The following DAB1 variants were observed in gnomAD, a reference collection of about 807,000 sequenced individuals.
DAB1 encodes disabled homolog 1.
DAB1 carries 15 observed loss-of-function variants against 64.6 expected under a neutral mutation model. That is an observed-to-expected ratio of 0.23 (90% CI 0.16 to 0.36). DAB1 has a LOEUF of 0.36. DAB1 is among the 10% of genes least tolerant of loss of function. The pLI, the probability that DAB1 is intolerant of heterozygous loss-of-function variation, is 1.00. For missense variants in DAB1, 596 were observed against 706.7 expected, an observed-to-expected ratio of 0.84 and a Z score of 1.78; for synonymous variants, 235 against 251.9, an observed-to-expected ratio of 0.93 and a Z score of 0.64.
At chr1:57,121,139 AAGGAGG>A (rs759548105) in intron 4 of DAB1, among the ~76,000 whole-genome samples, 11 of 78,516 alleles carry the variant, frequency 1.4e-4, no homozygotes, top group Non-Finnish European at 1.7e-4. Flanking sequence ...AGAGAAGAAG[AAGGAGG>A]AGGAGGAGGA....
intron 1 of DAB1, among the ~76,000 whole-genome samples, chr1:57,388,295 T>C (rs905383649): frequency 1.3e-5 from 2 of 152,180 alleles, no homozygotes; most frequent in Non-Finnish European, 2.9e-5. Context: ...TGACCAACCC[T>C]GCAGCCCCTA....
chr1:58,268,550 G>C (rs939649531), intron 4 of DAB1, among the ~76,000 whole-genome samples: 1 of 152,114 alleles, frequency 6.6e-6, no homozygotes, highest in Non-Finnish European at 1.5e-5. Context: ...AGAGGACATA[G>C]GGGTGAATGA....
At chr1:57,261,130 T>A (rs1670149471) in intron 2 of DAB1, among the ~76,000 whole-genome samples, 1 of 152,012 alleles carries the variant, frequency 6.6e-6, no homozygotes, top group Non-Finnish European at 1.5e-5. Flanking sequence ...CCCAATTTGT[T>A]CTTACACACT....
chr1:58,297,162 G>C (rs1662013585), intron 4 of DAB1, among the ~76,000 whole-genome samples: 2 of 152,140 alleles, frequency 1.3e-5, no homozygotes, highest in Non-Finnish European at 2.9e-5. Flanking sequence ...TAAATGGTAA[G>C]CATTCAAGCT....
intron 7 of DAB1, 51 bp from the exon 8 acceptor site, chr1:57,069,476 G>A (rs759403691): frequency 3.3e-5 from 48 of 1,462,702 alleles, no homozygotes; most frequent in Non-Finnish European, 4.3e-5. Flanking sequence ...AAAGAAGAAA[G>A]GTAAAACAAG....
chr1:57,126,557 A>T (rs1314396227), intron 4 of DAB1, among the ~76,000 whole-genome samples: 1 of 152,200 alleles, frequency 6.6e-6, no homozygotes, highest in Non-Finnish European at 1.5e-5. Context: ...TCCAAAGGAG[A>T]ACACTGAGCT....
chr1:57,672,335 TATC>T (rs1646519203), intron 6 of DAB1, among the ~76,000 whole-genome samples: 1 of 152,222 alleles, frequency 6.6e-6, no homozygotes, highest in African/African-American at 2.4e-5. Flanking sequence ...ATGTAGTTAA[TATC>T]ATAAGTGTTC....
intron 1 of DAB1, among the ~76,000 whole-genome samples, chr1:57,339,631 T>A (rs966630112): frequency 6.6e-6 from 1 of 152,240 alleles, no homozygotes; most frequent in Non-Finnish European, 1.5e-5. Flanking sequence ...CTGGTATGTT[T>A]AAGGTCCTAA....
At chr1:58,237,585 G>A (rs940659563) in intron 4 of DAB1, among the ~76,000 whole-genome samples, 3 of 151,904 alleles carry the variant, frequency 2.0e-5, no homozygotes, top group African/African-American at 7.3e-5. Context: ...GTATGTAAAG[G>A]AGGCAGAATT....
intron 14 of DAB1, among the ~76,000 whole-genome samples, chr1:57,009,185 G>A (rs1022756555): frequency 7.9e-5 from 12 of 152,142 alleles, no homozygotes; most frequent in African/African-American, 2.9e-4. Flanking sequence ...ATTTTTCAAG[G>A]CAAGGTTGAG....
rs563325742 is a variant in DAB1 at position 57,913,091 on chromosome 1, T to G, written n.388-28929A>C. Among the ~76,000 whole-genome samples the G allele has an allele frequency of 1.9e-3, 287 of 152,320 alleles. 2 individuals are homozygous for G. Among genetic ancestry groups the G allele is most frequent in the African/African-American group, 6.7e-3 (277 of 41,568 alleles). On this transcript the variant is annotated intron_variant and non_coding_transcript_variant, in intron 5 of 20. Transcript: ENST00000485760. ...CTTTCTTCACAGAATTGGAAAAAAC[T>G]ACTTTAAAGTTCATATGGAACCAAA...
intron 1 of DAB1, among the ~76,000 whole-genome samples, chr1:57,303,832 G>T (rs1329171620): frequency 6.6e-6 from 1 of 152,096 alleles, no homozygotes; most frequent in Non-Finnish European, 1.5e-5. Flanking sequence ...CTGTTAGAAA[G>T]TCATACCCAG....
At chr1:57,685,323 T>C (rs1192375061) in intron 6 of DAB1, among the ~76,000 whole-genome samples, 1 of 151,714 alleles carries the variant, frequency 6.6e-6, no homozygotes, top group Non-Finnish European at 1.5e-5. Flanking sequence ...AAAATGGTAT[T>C]ACATAATGAT....
chr1:57,817,191 A>G (rs1281606632), intron 6 of DAB1, among the ~76,000 whole-genome samples: 1 of 152,212 alleles, frequency 6.6e-6, no homozygotes, highest in Non-Finnish European at 1.5e-5. Flanking sequence ...TACGATTATT[A>G]TATTTATCAT....
chr1:57,315,686 T>G (rs1675134451), intron 1 of DAB1, among the ~76,000 whole-genome samples: 1 of 152,178 alleles, frequency 6.6e-6, no homozygotes, highest in South Asian at 2.1e-4. Context: ...GTACTTTTAG[T>G]AGAGACGGGG....
intron 1 of DAB1, among the ~76,000 whole-genome samples, chr1:57,332,100 A>T (rs986811981): frequency 3.9e-5 from 6 of 152,124 alleles, no homozygotes; most frequent in Non-Finnish European, 8.8e-5. Context: ...AGTAGCTGGG[A>T]CTACAGGCCC....
chr1:57,910,588 G>T (rs548937423), intron 5 of DAB1, among the ~76,000 whole-genome samples: 1 of 152,310 alleles, frequency 6.6e-6, no homozygotes, highest in East Asian at 1.9e-4. Context: ...AGGTCAGGGG[G>T]AAGTTTTTAG....
chr1:57,903,880 G>A (rs1283916547), intron 5 of DAB1, among the ~76,000 whole-genome samples: 2 of 152,154 alleles, frequency 1.3e-5, no homozygotes, highest in Non-Finnish European at 2.9e-5. Context: ...AATGTGCCAG[G>A]CCTCTGATAA....
intron 1 of DAB1, among the ~76,000 whole-genome samples, chr1:58,544,558 C>T (rs1021842061): frequency 1.3e-5 from 2 of 152,082 alleles, no homozygotes; most frequent in Non-Finnish European, 2.9e-5. Context: ...CTTTTTTAAA[C>T]CTCCACTCAG....
Sources: gnomAD v4.1 joint callset for allele counts (sites outside exome capture counted in the v4.1 genomes callset) on GRCh38, gnomAD v4.1.1 for gene constraint, MANE v1.5 for transcripts, NCBI Gene and HGNC (gene_info 2026-07-23, HGNC 2026-07-21) for gene names.